TUSC7: variants seen among roughly 807,000 people sequenced by gnomAD.
The protein encoded by TUSC7 is tumor suppressor candidate 7, also known as LSAMP antisense RNA 3.
chr3:116,715,066 T>C (rs1288693430), intron 1 of TUSC7, among the ~76,000 whole-genome samples: 1 of 152,230 alleles, frequency 6.6e-6, no homozygotes, highest in African/African-American at 2.4e-5. Flanking sequence ...AGAATGTTAA[T>C]AGTTAGAATG....
At chr3:116,710,757 G>T (rs909270340) in intron 1 of TUSC7, among the ~76,000 whole-genome samples, 5 of 152,004 alleles carry the variant, frequency 3.3e-5, no homozygotes, top group Non-Finnish European at 5.9e-5. Flanking sequence ...GAGTGAAGAT[G>T]AAAGACATGT....
chr3:116,715,521 G>A (rs541682637), intron 1 of TUSC7, among the ~76,000 whole-genome samples: 1 of 152,122 alleles, frequency 6.6e-6, no homozygotes, highest in African/African-American at 2.4e-5. Context: ...AGGAATTCTA[G>A]TATATGTGTA....
intron 1 of TUSC7, chr3:116,717,008 C>T (rs533590582): frequency 1.3e-5 from 2 of 152,088 alleles, no homozygotes; most frequent in Admixed American, 1.3e-4. Context: ...GGAAAACCTT[C>T]AAATAAAATG....
chr3:116,711,535 TG>T (rs2051463293), intron 1 of TUSC7, among the ~76,000 whole-genome samples: 1 of 152,162 alleles, frequency 6.6e-6, no homozygotes, highest in East Asian at 1.9e-4. Context: ...TCTCATTCTA[TG>T]ATGTAGTCCC....
At chr3:116,715,978 T>C (rs2051501870) in intron 1 of TUSC7, among the ~76,000 whole-genome samples, 1 of 152,180 alleles carries the variant, frequency 6.6e-6, no homozygotes, top group South Asian at 2.1e-4. Context: ...TTCATGCCCT[T>C]ACAACAATCC....
At chr3:116,710,003 A>G (rs1236486148) in intron 1 of TUSC7, 2 of 152,158 alleles carry the variant, frequency 1.3e-5, no homozygotes, top group African/African-American at 4.8e-5. Context: ...TCAAGGAAGA[A>G]AAGAGCAACG....
At chr3:116,716,327 G>A (rs1023001150) in intron 1 of TUSC7, 1 of 152,252 alleles carries the variant, frequency 6.6e-6, no homozygotes, top group South Asian at 2.1e-4. Context: ...CCTTCCTTGT[G>A]GAGGCCAAAC....
chr3:116,715,606 C>T (rs1315883375), intron 1 of TUSC7, among the ~76,000 whole-genome samples: 2 of 152,040 alleles, frequency 1.3e-5, no homozygotes, highest in Non-Finnish European at 2.9e-5. Context: ...TGCTTATTTG[C>T]CATATGTATA....
At position 116,714,438 on chromosome 3, in the gene TUSC7, T is replaced by C. The variant is rs2051488202; in HGVS notation, n.99-3323T>C. ...GCAAGTTTTTGAGCATATAAGTTCT[T>C]GAGCAGTACTTCTCAAACATTAATG... is the stretch of plus-strand genomic sequence containing the variant. On this transcript the variant is annotated intron_variant and non_coding_transcript_variant, in intron 1 of 2. Coordinates refer to ENST00000477805, the Ensembl canonical transcript of TUSC7. Among the ~76,000 whole-genome samples, 4 of 152,342 alleles carry C rather than the reference T, an allele frequency of 2.6e-5. No individual in the cohort carries two copies. In the South Asian group the frequency reaches 8.3e-4, roughly 32 times the overall value.
At chr3:116,712,146 A>AG in intron 1 of TUSC7, among the ~76,000 whole-genome samples, 1 of 152,308 alleles carries the variant, frequency 6.6e-6, no homozygotes, top group Middle Eastern at 3.4e-3. Flanking sequence ...TCTAAATGTG[A>AG]GAAAGGGTCT....
At chr3:116,715,578 T>G (rs1193543938) in intron 1 of TUSC7, among the ~76,000 whole-genome samples, 1 of 152,204 alleles carries the variant, frequency 6.6e-6, no homozygotes, top group African/African-American at 2.4e-5. Context: ...GATGACATAC[T>G]GTGTGGAAAT....
intron 1 of TUSC7, among the ~76,000 whole-genome samples, chr3:116,714,768 T>C (rs974868846): frequency 6.6e-6 from 1 of 152,098 alleles, no homozygotes; most frequent in African/African-American, 2.4e-5. Flanking sequence ...AGGGCATAGT[T>C]CCCCCCTTAT....
intron 1 of TUSC7, chr3:116,712,798 G>A (rs1290849748): frequency 1.3e-5 from 2 of 152,142 alleles, no homozygotes; most frequent in African/African-American, 2.4e-5. Context: ...AGTCTGGAGA[G>A]AAAGAGTTGC....
At chr3:116,715,591 T>C (rs1247869517) in intron 1 of TUSC7, among the ~76,000 whole-genome samples, 1 of 152,228 alleles carries the variant, frequency 6.6e-6, no homozygotes, top group East Asian at 1.9e-4. Flanking sequence ...GTGGAAATTT[T>C]CATATGCTTA....
intron 1 of TUSC7, among the ~76,000 whole-genome samples, chr3:116,713,189 GTTCT>G (rs1227960372): frequency 6.6e-6 from 1 of 152,096 alleles, no homozygotes; most frequent in Non-Finnish European, 1.5e-5. Flanking sequence ...CCATTGTCTT[GTTCT>G]TTCCTGGAGC....
chr3:116,710,172 C>T (rs1269967368), intron 1 of TUSC7: 3 of 152,076 alleles, frequency 2.0e-5, no homozygotes, highest in Non-Finnish European at 4.4e-5. Context: ...TATATATGCC[C>T]ATATAATTTT....
At chr3:116,715,767 C>T (rs977433705) in intron 1 of TUSC7, among the ~76,000 whole-genome samples, 3 of 151,938 alleles carry the variant, frequency 2.0e-5, no homozygotes, top group Admixed American at 6.6e-5. Context: ...TCAGTCTGTG[C>T]CTTATGTTCT....
At chr3:116,711,437 G>A (rs992077375) in intron 1 of TUSC7, among the ~76,000 whole-genome samples, 1 of 152,082 alleles carries the variant, frequency 6.6e-6, no homozygotes, top group Non-Finnish European at 1.5e-5. Flanking sequence ...GACTAAGAGG[G>A]CATGATTATT....
intron 1 of TUSC7, chr3:116,717,026 T>C (rs2051514417): frequency 1.3e-5 from 2 of 152,170 alleles, no homozygotes; most frequent in African/African-American, 4.8e-5. Flanking sequence ...ATGATGACTA[T>C]TGTGTACTCA....
Sources: allele counts gnomAD v4.1 joint callset (sites outside exome capture counted in the v4.1 genomes callset), GRCh38; gene constraint gnomAD v4.1.1; transcripts MANE v1.5; gene names NCBI Gene and HGNC (gene_info 2026-07-23, HGNC 2026-07-21).